FAT4: variants seen among roughly 807,000 people sequenced by gnomAD.
The protein encoded by FAT4 is protocadherin Fat 4.
Under a neutral mutation model 303.9 loss-of-function variants are expected in FAT4, and 84 were observed. The observed-to-expected ratio is 0.28, with a 90% CI of 0.23 to 0.33. The LOEUF (loss-of-function observed/expected upper bound fraction) is 0.33, where lower values mean the gene tolerates loss of function less well. Among genes scored for constraint, FAT4 ranks in the 10% least tolerant of loss-of-function variants. FAT4 has a pLI of 1.00. For missense variants in FAT4, 6,005 were observed against 6,146.8 expected (o/e 0.98, Z 0.77); for synonymous variants, 2,307 against 2,298.8 (o/e 1.00, Z -0.10).
chr4:125,476,449 G>A (rs943010392), intron 13 of FAT4, among the ~76,000 whole-genome samples, 193 bp downstream of exon 13: 1 of 151,986 alleles, frequency 6.6e-6, no homozygotes, highest in Non-Finnish European at 1.5e-5. Context: ...GAAATGAAGT[G>A]GTAGAAATAA....
intron 14 of FAT4, 101 bp from the exon 15 acceptor site, chr4:125,479,640 G>A (rs1324812630): frequency 3.7e-5 from 42 of 1,134,084 alleles, no homozygotes; most frequent in African/African-American, 4.6e-5. Context: ...AAATAATGGA[G>A]TGCTTGAAAT....
At chr4:125,405,001 T>C (rs1279753377) in intron 3 of FAT4, among the ~76,000 whole-genome samples, 1 of 152,064 alleles carries the variant, frequency 6.6e-6, no homozygotes, top group Non-Finnish European at 1.5e-5. Flanking sequence ...AATTCCTTTT[T>C]TTTTTTTTTA....
chr4:125,442,885 A>G (rs943469387), intron 8 of FAT4, among the ~76,000 whole-genome samples: 3 of 152,144 alleles, frequency 2.0e-5, no homozygotes, highest in Non-Finnish European at 2.9e-5. Flanking sequence ...AAGGCTCACC[A>G]TTTATCAATT....
rs761008452 is a variant in FAT4, at chr4:125,450,960, C to T, written c.9950C>T (p.Thr3317Ile). 1.2e-5 allele frequency: 20 copies of T among 1,613,974 alleles called. No individual in the cohort carries two copies. Among genetic ancestry groups the T allele is most frequent in the Non-Finnish European group, 1.6e-5 (19 of 1,180,020 alleles). Residue 3317 changes from threonine to isoleucine, a missense_variant, in exon 10 of 18, where the codon ACT becomes ATT. Transcript: ENST00000394329. ...ATCTCAGAAGCAGCTCCTAAAGGTACTATTGTTGGAGAAGTGTTTGCTAGC... is the reference window on the plus strand; with the variant it reads ...ATCTCAGAAGCAGCTCCTAAAGGTATTATTGTTGGAGAAGTGTTTGCTAGC... The part of the protein sequence containing the change: ...FEISEAAPKG[T>I]IVGEVFASDR...
chr4:125,337,184 C>T (rs1441307657), intron 2 of FAT4, among the ~76,000 whole-genome samples: 2 of 151,984 alleles, frequency 1.3e-5, no homozygotes, highest in African/African-American at 2.4e-5. Flanking sequence ...TATTTGAATG[C>T]TGATCTATAT....
chr4:125,369,977 T>A (rs1733042287), intron 2 of FAT4, among the ~76,000 whole-genome samples: 3 of 152,164 alleles, frequency 2.0e-5, no homozygotes, highest in African/African-American at 7.2e-5. Flanking sequence ...GACCGAATAG[T>A]ATTCCATTGT....
At chr4:125,461,861 A>G (rs2126070017) in intron 10 of FAT4, among the ~76,000 whole-genome samples, 1 of 152,068 alleles carries the variant, frequency 6.6e-6, no homozygotes, top group Non-Finnish European at 1.5e-5. Context: ...CAGTTGAAAA[A>G]CAAAACAGGA....
chr4:125,455,516 T>G (rs1177217203), intron 10 of FAT4, among the ~76,000 whole-genome samples: 3 of 152,198 alleles, frequency 2.0e-5, no homozygotes, highest in Admixed American at 2.0e-4. Context: ...TTCTTACAAC[T>G]CTGTAAGATG....
In FAT4 at chr4:125,450,627, T is replaced by C. The variant is rs1364482798; in HGVS notation, c.9617T>C (p.Leu3206Ser). ...FLSDDYFPTV[L>S]ENAPSGTTVI... ...TCTGATGACTATTTCCCTACTGTTT[T>C]GGAAAATGCCCCAAGTGGAACAACA... The change falls in exon 10 of 18, where the codon TTG (leucine) becomes TCG (serine). Residue 3206 changes from leucine (L) to serine (S), a missense_variant. Physicochemically the swap from Leu to Ser is moderately radical, Grantham distance 145. Coordinates refer to ENST00000394329, the MANE Select transcript of FAT4 (RefSeq NM_001291303.3). 6.2e-7 allele frequency: 1 copy of C among 1,614,112 alleles called. No individual in the cohort carries two copies.
chr4:125,338,265 T>C (rs1482301238), intron 2 of FAT4, among the ~76,000 whole-genome samples: 1 of 152,124 alleles, frequency 6.6e-6, no homozygotes, highest in Admixed American at 6.6e-5. Context: ...TTTGCCTGGA[T>C]GTATATATTT....
intron 2 of FAT4, among the ~76,000 whole-genome samples, chr4:125,338,646 A>G (rs950908069): frequency 3.9e-5 from 6 of 152,152 alleles, no homozygotes; most frequent in Admixed American, 6.5e-5. Flanking sequence ...GAAAATCTAA[A>G]AGATTGCTGT....
chr4:125,366,653 T>C (rs1226995208), intron 2 of FAT4, among the ~76,000 whole-genome samples: 1 of 152,162 alleles, frequency 6.6e-6, no homozygotes, highest in Non-Finnish European at 1.5e-5. Context: ...ATTTCTGTTT[T>C]AGGTCTTGGA....
Position 125,317,710 on chromosome 4 carries a change from C to T in FAT4, c.1299C>T (p.Ser433=). The T allele has an allele frequency of 6.2e-7, 1 of 1,614,122 alleles. No homozygotes were observed. The highest frequency in any genetic ancestry group is 1.1e-5 in the South Asian group (1 of 91,088). The change falls in exon 2 of 18, where the codon TCC becomes TCT. Residue 433 remains serine, a synonymous_variant. Coordinates refer to ENST00000394329, the MANE Select transcript of FAT4 (RefSeq NM_001291303.3). This position sits in a 1 kb window ranked among gnomAD's most constrained non-coding sequence, Gnocchi z 7.0. ...ASALDRERIP[S]YNLTVSVSDN... ...CCTTGGACCGCGAGCGCATCCCTTC[C>T]TACAACCTCACAGTTTCCGTCTCTG...
In FAT4 at chr4:125,316,548, G is replaced by T; in HGVS notation, c.137G>T (p.Arg46Leu). 1 of 1,613,978 alleles carries T rather than the reference G, an allele frequency of 6.2e-7. No individual in the cohort carries two copies. The change falls in exon 2 of 18, where the codon CGC becomes CTC. Residue 46 changes from arginine (R) to leucine (L), a missense_variant. By Grantham distance (102) the Arg-to-Leu change is moderately radical. Transcript: ENST00000394329. This position sits in a 1 kb window ranked among gnomAD's most constrained non-coding sequence, Gnocchi z 5.7. ...GQAWVHGAEP[R>L]QVFQVLEEQP... ...GCCTGGGTCCACGGGGCCGAGCCGC[G>T]CCAGGTGTTCCAAGTGCTGGAAGAG...
intron 2 of FAT4, among the ~76,000 whole-genome samples, chr4:125,376,505 G>A (rs770839362): frequency 6.6e-6 from 1 of 152,110 alleles, no homozygotes; most frequent in Admixed American, 6.5e-5. Flanking sequence ...TGTAAATGAC[G>A]AGTTAATGGG....
In FAT4 at chr4:125,490,707, G is replaced by A. The variant is rs748276944; in HGVS notation, c.13891G>A (p.Ala4631Thr). 2.5e-6 allele frequency: 4 copies of A among 1,614,002 alleles called. No individual in the cohort carries two copies. The highest frequency in any genetic ancestry group is 1.1e-5 in the South Asian group (1 of 91,064). Residue 4631 changes from alanine to threonine, a missense_variant, in exon 18 of 18, where the codon GCC (alanine) becomes ACC (threonine). Coordinates refer to ENST00000394329, the MANE Select transcript of FAT4 (RefSeq NM_001291303.3). ...HYDIDNASSI[A>T]PSDADIIQHY... ...TGACATTGACAACGCCAGCAGCATCGCCCCTTCGGATGCAGACATCATTCA... is the reference window on the plus strand; with the variant it reads ...TGACATTGACAACGCCAGCAGCATCACCCCTTCGGATGCAGACATCATTCA...
chr4:125,491,067 C>T lies in FAT4; in HGVS notation c.14251C>T (p.Leu4751=). The part of the protein sequence containing the change: ...QPGIFNYATR[L]GRRSKSPQAM... Reference sequence around the variant, plus strand: ...TGGCATTTTCAACTATGCCACAAGGCTGGGAAGGAGAAGCAAGAGTCCTCA... The same window carrying T: ...TGGCATTTTCAACTATGCCACAAGGTTGGGAAGGAGAAGCAAGAGTCCTCA... The change falls in exon 18 of 18, where the codon CTG becomes TTG. Residue 4751 remains leucine (L), a synonymous_variant. Transcript: ENST00000394329. 1 of 1,614,160 alleles carries T rather than the reference C, an allele frequency of 6.2e-7. No homozygotes were observed. Among genetic ancestry groups the T allele is most frequent in the Non-Finnish European group, 8.5e-7 (1 of 1,180,034 alleles).
chr4:125,398,596 G>A lies in FAT4; in HGVS notation c.5176-188G>A, dbSNP rs1509295. Among the ~76,000 whole-genome samples the A allele has an allele frequency of 0.99, 150,479 of 152,220 alleles. 74,400 individuals are homozygous for A. Among genetic ancestry groups the A allele is most frequent in the East Asian group, 1 (5,170 of 5,170 alleles). ...CAACAAGGCAGACGATTTTTATTTC[G>A]ACTTTATGTTTTCGTGTAAAGATTT... On this transcript the variant is annotated intron_variant, in intron 2 of 17. Coordinates refer to ENST00000394329, the MANE Select transcript of FAT4 (RefSeq NM_001291303.3).
chr4:125,320,152 T>C lies in FAT4; in HGVS notation c.3741T>C (p.Tyr1247=). ...AAGGTAATAATGGACTTATTCACTA[T>C]TCTATAATAAAAGGAAATGAAGAAA... The part of the protein sequence containing the change: ...VDEGNNGLIH[Y]SIIKGNEERQ... Residue 1247 remains tyrosine, a synonymous_variant, in exon 2 of 18, where the codon TAT becomes TAC. Transcript: ENST00000394329. 6.2e-7 allele frequency: 1 copy of C among 1,614,014 alleles called. No individual in the cohort carries two copies. Among genetic ancestry groups the C allele is most frequent in the Non-Finnish European group, 8.5e-7 (1 of 1,179,910 alleles).
Sources: allele counts gnomAD v4.1 joint callset (sites outside exome capture counted in the v4.1 genomes callset), GRCh38; gene constraint gnomAD v4.1.1; non-coding constraint Gnocchi (gnomAD v3.1); transcripts MANE v1.5; gene names NCBI Gene and HGNC (gene_info 2026-07-23, HGNC 2026-07-21).